C1GALT1: variants seen among roughly 807,000 people sequenced by gnomAD.
C1GALT1 encodes core 1 synthase, glycoprotein-N-acetylgalactosamine 3-beta-galactosyltransferase 1.
Under a neutral mutation model 31.0 loss-of-function variants are expected in C1GALT1, and 11 were observed. The ratio of observed to expected loss-of-function variants is 0.36; its 90% CI spans 0.22 to 0.59. The LOEUF is 0.59. Ranked by LOEUF, C1GALT1 falls within the 20% of genes least tolerant of loss-of-function variation. The pLI is 0.79. For missense variants in C1GALT1, 424 were observed against 425.2 expected, an observed-to-expected ratio of 1.00 and a Z score of 0.03; for synonymous variants, 175 against 143.6, an observed-to-expected ratio of 1.22 and a Z score of -1.56.
chr7:7,210,739 A>T (rs59388279), intron 1 of C1GALT1, among the ~76,000 whole-genome samples: 20,573 of 152,062 alleles, frequency 0.14, 1,648 homozygotes, highest in East Asian at 0.37. Flanking sequence ...GCTCGTCGGG[A>T]TTCCAGGAAC....
intron 1 of C1GALT1, among the ~76,000 whole-genome samples, chr7:7,231,053 G>A (rs1434679352): frequency 2.0e-5 from 3 of 152,026 alleles, no homozygotes. Context: ...AGAACTGTTA[G>A]TGATAAATTC....
At chr7:7,181,124 T>C (rs911233949), upstream of C1GALT1, among the ~76,000 whole-genome samples, 9 of 145,986 alleles carry the variant, frequency 6.2e-5, no homozygotes, top group African/African-American at 2.1e-4. Context: ...TTGTGAGTTT[T>C]GGTTTCTATT....
At position 7,204,290 on chromosome 7, in the gene C1GALT1, T is replaced by C. The variant is rs886224480; in HGVS notation, c.-18+21470T>C. Among the ~76,000 whole-genome samples the C allele has an allele frequency of 7.2e-5, 11 of 152,226 alleles. No individual in the cohort carries two copies. The East Asian group carries it at 1.9e-3, about 27-fold the overall frequency. On this transcript the variant is annotated intron_variant, in intron 1 of 3. Coordinates refer to ENST00000436587, the MANE Select transcript of C1GALT1 (RefSeq NM_020156.5). ...GATTTTCAGATTTTCTGTTTGTTAT[T>C]CTGTTTCAGTAAGTTTTGTGTTTCT...
chr7:7,238,625 A>G lies in C1GALT1; in HGVS notation c.591A>G (p.Arg197=), dbSNP rs2128251165. ...AAGAACCCATTTACTTTGGGAGAAGATTTAAGCCTTATGTAAAGCAGGGCT... is the reference window on the plus strand; with the variant it reads ...AAGAACCCATTTACTTTGGGAGAAGGTTTAAGCCTTATGTAAAGCAGGGCT... ...DPEEPIYFGR[R]FKPYVKQGYM... The change falls in exon 3 of 4, where the codon AGA becomes AGG. Residue 197 remains arginine (R), a synonymous_variant. Coordinates refer to ENST00000436587, the MANE Select transcript of C1GALT1 (RefSeq NM_020156.5). This position sits in a 1 kb window ranked among gnomAD's most constrained non-coding sequence, Gnocchi z 5.2. 2.5e-6 allele frequency: 4 copies of G among 1,614,154 alleles called. 1 individual carries two copies. The Middle Eastern group carries it at 5.0e-4, about 200-fold the overall frequency.
Position 7,182,683 on chromosome 7 carries a change from C to A in C1GALT1, c.-155C>A. 1.9e-6 allele frequency: 1 copy of A among 514,534 alleles called. No homozygotes were observed. The highest frequency in any genetic ancestry group is 2.5e-6 in the Non-Finnish European group (1 of 399,416). The allele number at this position is 514,534 out of a possible 1,614,324, so 31.9% of individuals were successfully genotyped here. A position where few individuals can be genotyped will look rare whatever the true frequency, so the allele number is the denominator to read the frequency against. ...TGTGCTGCCGCTGCCGGGGAATAAT[C>A]TGGGCGGCAGCGGGCGGCCTCGGCT... On this transcript the variant is annotated 5_prime_UTR_variant, in exon 1 of 4. The change creates a new upstream start codon in the 5' untranslated region. Transcript: ENST00000436587.
intron 2 of C1GALT1, among the ~76,000 whole-genome samples, chr7:7,236,009 C>T (rs17165448): frequency 0.027 from 4,068 of 152,218 alleles, 155 homozygotes; most frequent in African/African-American, 0.094. Flanking sequence ...AACCTATTTT[C>T]TGTATTATGT....
At chr7:7,234,249 G>T (rs1017760962) in intron 1 of C1GALT1, 54 bp from the exon 2 acceptor site, 3 of 1,316,230 alleles carry the variant, frequency 2.3e-6, no homozygotes, top group African/African-American at 1.5e-5. Context: ...TTTTTACTCC[G>T]GTTATGTATA....
At chr7:7,219,125 A>C (rs1324860988) in intron 1 of C1GALT1, among the ~76,000 whole-genome samples, 1 of 152,234 alleles carries the variant, frequency 6.6e-6, no homozygotes, top group African/African-American at 2.4e-5. Flanking sequence ...GGCGTGAGCC[A>C]CTGCGCCTGG....
At chr7:7,198,777 C>T (rs1335167537) in intron 1 of C1GALT1, among the ~76,000 whole-genome samples, 5 of 152,152 alleles carry the variant, frequency 3.3e-5, no homozygotes, top group African/African-American at 9.7e-5. Flanking sequence ...GTGTATGTGT[C>T]CAGGAATTTA....
In C1GALT1 at chr7:7,162,440, T is replaced by C. The variant is rs1389211771; in HGVS notation, c.-18+5014T>C. Among the ~76,000 whole-genome samples, 483 of 151,638 alleles carry C rather than the reference T, an allele frequency of 3.2e-3. 3 individuals are homozygous for C. The highest frequency in any genetic ancestry group is 0.011 in the African/African-American group (457 of 41,346). ...TTCATCCATGTCCCTACAAAGGACA[T>C]GAACTCATCATTTTTTATGGCTGCA... On this transcript the variant is annotated intron_variant, in intron 2 of 3. Transcript: ENST00000429911.
intron 1 of C1GALT1, among the ~76,000 whole-genome samples, chr7:7,232,132 C>T (rs936776778): frequency 4.6e-5 from 7 of 152,172 alleles, no homozygotes; most frequent in East Asian, 1.9e-4. Context: ...GTCTGGTCTG[C>T]CTCTTTCCTT....
At chr7:7,198,492 C>G (rs1781396465) in intron 1 of C1GALT1, among the ~76,000 whole-genome samples, 1 of 152,092 alleles carries the variant, frequency 6.6e-6, no homozygotes, top group Non-Finnish European at 1.5e-5. Flanking sequence ...GTCTAAAATT[C>G]TCTTTTTTTT....
intron 1 of C1GALT1, chr7:7,209,437 TAGTGCTTCC>T (rs958984326): frequency 1.3e-5 from 2 of 152,246 alleles, no homozygotes; most frequent in African/African-American, 2.4e-5. Flanking sequence ...TTGGATTGGC[TAGTGCTTCC>T]AGTATTAAAT....
At chr7:7,199,668 G>A (rs1405975964) in intron 1 of C1GALT1, among the ~76,000 whole-genome samples, 1 of 152,144 alleles carries the variant, frequency 6.6e-6, no homozygotes, top group African/African-American at 2.4e-5. Context: ...TTATTGTGTG[G>A]GAGTCGAAGT....
intron 1 of C1GALT1, among the ~76,000 whole-genome samples, chr7:7,226,458 T>A (rs1300039110): frequency 1.3e-5 from 2 of 152,064 alleles, no homozygotes; most frequent in African/African-American, 4.8e-5. Context: ...CGTGCGCTCA[T>A]GGTAAAGGGC....
At position 7,199,203 on chromosome 7, in the gene C1GALT1, T is replaced by C. The variant is rs986232203; in HGVS notation, c.-18+16383T>C. ...CTATAAATTTCCCTCTACACACTGC[T>C]TTAAATGTGTCCCAGAGATTCTGGT... On this transcript the variant is annotated intron_variant, in intron 1 of 3. Transcript: ENST00000436587. Among the ~76,000 whole-genome samples, 7 of 152,336 alleles carry C rather than the reference T, an allele frequency of 4.6e-5. No homozygotes were observed. In the South Asian group the frequency reaches 6.2e-4, roughly 14 times the overall value.
rs1476070438 is a variant in C1GALT1 at position 7,245,205 on chromosome 7, C to T, written c.*1478C>T. 6.6e-6 allele frequency: 1 copy of T among 152,240 alleles called. No homozygotes were observed. The highest frequency in any genetic ancestry group is 1.5e-5 in the Non-Finnish European group (1 of 68,046). 9.4% of individuals were successfully genotyped at this position (152,240 alleles called of 1,614,324 possible). A position where few individuals can be genotyped will look rare whatever the true frequency, so the allele number is the denominator to read the frequency against. On this transcript the variant is annotated 3_prime_UTR_variant, in exon 4 of 4. Coordinates refer to ENST00000436587, the MANE Select transcript of C1GALT1 (RefSeq NM_020156.5). ...TTTTACATGGCAGTCATGCCACTGA[C>T]TCTGCTATTTAGCTAAGTAATTTCT... is the stretch of plus-strand genomic sequence containing the variant.
chr7:7,176,306 A>G (rs1484150947), intron 2 of C1GALT1, among the ~76,000 whole-genome samples: 1 of 152,238 alleles, frequency 6.6e-6, no homozygotes, highest in Non-Finnish European at 1.5e-5. Context: ...AAAATGCCAC[A>G]TTATGCAGCT....
chr7:7,238,383 A>C lies in C1GALT1; in HGVS notation c.349A>C (p.Lys117Gln), dbSNP rs1392375611. Residue 117 changes from lysine (K) to glutamine (Q), a missense_variant, in exon 3 of 4, where the codon AAA becomes CAA. Physicochemically the swap from Lys to Gln is moderately conservative, Grantham distance 53. Coordinates refer to ENST00000436587, the MANE Select transcript of C1GALT1 (RefSeq NM_020156.5). This position sits in a 1 kb window ranked among gnomAD's most constrained non-coding sequence, Gnocchi z 5.2. ...AGCTACTTGGGCCCAGCGTTGTAAC[A>C]AAGTGTTGTTTATGAGTTCAGAAGA... ...VKATWAQRCN[K>Q]VLFMSSEENK... The C allele has an allele frequency of 3.7e-6, 6 of 1,614,140 alleles. 1 individual carries two copies. The highest frequency in any genetic ancestry group is 4.2e-6 in the Non-Finnish European group (5 of 1,180,006).
Sources: allele counts gnomAD v4.1 joint callset (sites outside exome capture counted in the v4.1 genomes callset), GRCh38; gene constraint gnomAD v4.1.1; non-coding constraint Gnocchi (gnomAD v3.1); transcripts MANE v1.5; gene names NCBI Gene and HGNC (gene_info 2026-07-23, HGNC 2026-07-21).